KCNIP4: variants seen among roughly 807,000 people sequenced by gnomAD.
KCNIP4 encodes the protein Kv channel-interacting protein 4.
Under a neutral mutation model 34.0 loss-of-function variants are expected in KCNIP4, and 12 were observed. The ratio of observed to expected loss-of-function variants is 0.35; its 90% confidence interval spans 0.23 to 0.57. The LOEUF is 0.57. KCNIP4 is among the 20% of genes least tolerant of loss of function. The pLI, the probability that KCNIP4 is intolerant of heterozygous loss-of-function variation, is 0.83. For synonymous variants in KCNIP4, 124 were observed against 102.2 expected (o/e 1.21, Z -1.29); for missense variants, 238 against 311.7 (o/e 0.76, Z 1.78).
chr4:21,021,239 A>G (rs1275874522), intron 1 of KCNIP4, among the ~76,000 whole-genome samples: 2 of 152,120 alleles, frequency 1.3e-5, no homozygotes, highest in Non-Finnish European at 2.9e-5. Flanking sequence ...AAAATAATAC[A>G]CCTGTATAGC....
chr4:21,396,436 G>C (rs1723004246), intron 1 of KCNIP4, among the ~76,000 whole-genome samples: 1 of 151,086 alleles, frequency 6.6e-6, no homozygotes, highest in African/African-American at 2.4e-5. Flanking sequence ...GATGCCTGTA[G>C]TCCCAGCTGC....
At chr4:21,929,852 T>C (rs1428987027) in intron 1 of KCNIP4, among the ~76,000 whole-genome samples, 4 of 152,142 alleles carry the variant, frequency 2.6e-5, no homozygotes, top group Non-Finnish European at 4.4e-5. Flanking sequence ...TGGCCAAATA[T>C]TGGAAAACTT....
At chr4:21,252,132 T>G (rs1760750498) in intron 1 of KCNIP4, among the ~76,000 whole-genome samples, 1 of 136,058 alleles carries the variant, frequency 7.3e-6, no homozygotes, top group South Asian at 2.2e-4. Flanking sequence ...AGGTTTTGTT[T>G]TTTTTTTTTT....
At chr4:21,002,458 A>C (rs187334387) in intron 1 of KCNIP4, among the ~76,000 whole-genome samples, 1 of 152,238 alleles carries the variant, frequency 6.6e-6, no homozygotes, top group Non-Finnish European at 1.5e-5. Context: ...GCTGAATCCC[A>C]TGTAAAATCT....
intron 3 of KCNIP4, among the ~76,000 whole-genome samples, chr4:20,810,251 A>G (rs1715557252): frequency 6.6e-6 from 1 of 152,146 alleles, no homozygotes; most frequent in Admixed American, 6.5e-5. Flanking sequence ...AGAGGCTTGG[A>G]CCAGTCTTTT....
At chr4:20,738,957 GA>G (rs757262755) in intron 5 of KCNIP4, among the ~76,000 whole-genome samples, 65 of 152,324 alleles carry the variant, frequency 4.3e-4, no homozygotes, top group Middle Eastern at 3.4e-3. Context: ...ACCTGGCTCA[GA>G]GTGGCCCACA....
chr4:21,707,598 A>G (rs1432730070), intron 1 of KCNIP4, among the ~76,000 whole-genome samples: 3 of 152,070 alleles, frequency 2.0e-5, no homozygotes, highest in East Asian at 1.9e-4. Flanking sequence ...TGAAGTCCTC[A>G]TTGTTGTTGT....
At chr4:21,339,088 T>G (rs1197321980) in intron 1 of KCNIP4, among the ~76,000 whole-genome samples, 1 of 152,102 alleles carries the variant, frequency 6.6e-6, no homozygotes, top group Non-Finnish European at 1.5e-5. Context: ...GGATCCACAA[T>G]GGGATTGCTC....
At chr4:21,928,923 T>C (rs1729415222) in intron 1 of KCNIP4, among the ~76,000 whole-genome samples, 1 of 151,800 alleles carries the variant, frequency 6.6e-6, no homozygotes, top group Admixed American at 6.6e-5. Flanking sequence ...ATCTACAAAC[T>C]GAGGGTATAA....
At chr4:21,107,744 A>T (rs1044353562) in intron 1 of KCNIP4, among the ~76,000 whole-genome samples, 6 of 151,426 alleles carry the variant, frequency 4.0e-5, no homozygotes, top group African/African-American at 1.5e-4. Context: ...GTACCAGTTG[A>T]TCCTTTCCAT....
intron 2 of KCNIP4, among the ~76,000 whole-genome samples, chr4:20,876,325 A>G (rs539242840): frequency 5.9e-5 from 9 of 152,276 alleles, no homozygotes; most frequent in East Asian, 3.9e-4. Context: ...GAACTGGGGC[A>G]TAGAGAGATA....
intron 1 of KCNIP4, among the ~76,000 whole-genome samples, chr4:21,886,392 C>G (rs1219162217): frequency 8.5e-5 from 13 of 152,102 alleles, no homozygotes; most frequent in Non-Finnish European, 2.9e-5. Flanking sequence ...TCTTCTCTCC[C>G]AGGCTGTTTT....
chr4:21,770,960 A>G (rs7697378), intron 1 of KCNIP4, among the ~76,000 whole-genome samples: 22,626 of 151,994 alleles, frequency 0.15, 5,659 homozygotes, highest in African/African-American at 0.52. Flanking sequence ...GATCCCAGTT[A>G]TCAATTTTGG....
rs115544145 is a variant in KCNIP4, at chr4:21,705,905, T to C, written c.61+242666A>G. 6.1e-3 allele frequency among the ~76,000 whole-genome samples: 928 copies of C among 152,282 alleles called. 10 individuals are homozygous for C. Among genetic ancestry groups the C allele is most frequent in the African/African-American group, 0.021 (871 of 41,574 alleles). ...ATTGAAGCCTAGAGCACCAGCATGA[T>C]CAATATTTTCTCTAGGGAAAGTAAT... On this transcript the variant is annotated intron_variant, in intron 1 of 8. Coordinates refer to ENST00000382152, the MANE Select transcript of KCNIP4 (RefSeq NM_025221.6).
chr4:20,874,636 C>T (rs1172799432), intron 2 of KCNIP4, among the ~76,000 whole-genome samples: 2 of 150,814 alleles, frequency 1.3e-5, no homozygotes, highest in Non-Finnish European at 2.9e-5. Context: ...CGCAATTTTC[C>T]TTTTTTCACT....
At chr4:21,328,307 T>G (rs1715289782) in intron 1 of KCNIP4, among the ~76,000 whole-genome samples, 1 of 152,186 alleles carries the variant, frequency 6.6e-6, no homozygotes, top group South Asian at 2.1e-4. Flanking sequence ...ATGCTATGGC[T>G]CTTGCAGATT....
chr4:20,810,255 G>T (rs1182440911), intron 3 of KCNIP4, among the ~76,000 whole-genome samples: 2 of 152,168 alleles, frequency 1.3e-5, no homozygotes, highest in African/African-American at 4.8e-5. Context: ...GCTTGGACCA[G>T]TCTTTTTGTC....
At chr4:21,696,323 T>G (rs572627012) in intron 1 of KCNIP4, among the ~76,000 whole-genome samples, 21 of 151,572 alleles carry the variant, frequency 1.4e-4, no homozygotes, top group African/African-American at 5.1e-4. Context: ...CAGCTTTATA[T>G]CAGCACAAGA....
chr4:21,679,837 T>TGGACATACCTTAAATTAATTTAA (rs1205526204), intron 1 of KCNIP4, among the ~76,000 whole-genome samples: 8 of 152,210 alleles, frequency 5.3e-5, no homozygotes, highest in Non-Finnish European at 1.2e-4. Flanking sequence ...GTCTAAAAAA[T>TGGACATACCTTAAATTAATTTAA]GGACATACCT....
Sources: gnomAD v4.1 joint callset for allele counts (sites outside exome capture counted in the v4.1 genomes callset) on GRCh38, gnomAD v4.1.1 for gene constraint, MANE v1.5 for transcripts, NCBI Gene and HGNC (gene_info 2026-07-23, HGNC 2026-07-21) for gene names.